Variants in VPS41 observed in about 807,000 individuals in gnomAD.
The protein encoded by VPS41 is vacuolar protein sorting-associated protein 41 homolog.
Under a neutral mutation model 130.9 loss-of-function variants are expected in VPS41, and 85 were observed. That is an observed-to-expected ratio of 0.65 (90% CI 0.55 to 0.78). VPS41 has a LOEUF of 0.78. VPS41 is among the 30% of genes least tolerant of loss of function. The pLI is 0.00. For missense variants in VPS41, 874 were observed against 1,018.7 expected (o/e 0.86, Z 1.93); for synonymous variants, 335 against 332.9 (o/e 1.01, Z -0.07).
Position 38,817,993 on chromosome 7 carries a change from G to C in VPS41, c.385-111C>G. ...GATCTAAAAATTATCCTGAAACCTT[G>C]GTAGGAAGTAATATATTCAAATCAT... is the stretch of plus-strand genomic sequence containing the variant. On this transcript the variant is annotated intron_variant, in intron 6 of 28. Transcript: ENST00000310301. The C allele has an allele frequency of 5.0e-6, 4 of 795,622 alleles. 2 individuals carry two copies. The South Asian group carries it at 5.8e-5, about 12-fold the overall frequency. 49.3% of individuals were successfully genotyped at this position (795,622 alleles called of 1,614,324 possible).
chr7:38,801,027 C>T (rs1054700627), intron 7 of VPS41, among the ~76,000 whole-genome samples: 7 of 152,204 alleles, frequency 4.6e-5, no homozygotes, highest in African/African-American at 1.7e-4. Context: ...CTCCAATGGA[C>T]CCTTTCTGTT....
At chr7:38,881,363 A>G (rs1219756625) in intron 2 of VPS41, among the ~76,000 whole-genome samples, 1 of 151,934 alleles carries the variant, frequency 6.6e-6, no homozygotes, top group Non-Finnish European at 1.5e-5. Context: ...ATTTACAAAG[A>G]CCCTTAGGAT....
chr7:38,795,583 T>A lies in VPS41; in HGVS notation c.599A>T (p.Lys200Met). 6.2e-7 allele frequency: 1 copy of A among 1,612,278 alleles called. No homozygotes were observed. Among genetic ancestry groups the A allele is most frequent in the Non-Finnish European group, 8.5e-7 (1 of 1,178,986 alleles). Reference sequence around the variant, plus strand: ...CCGGGGCACATTGGTGATTCTTTGCTTTGAGATGATGTCAAAAATCTTCAC... The same window carrying A: ...CCGGGGCACATTGGTGATTCTTTGCATTGAGATGATGTCAAAAATCTTCAC... Reference protein sequence around the residue: ...MGVKIFDIISKQRITNVPRDD... With the variant: ...MGVKIFDIISMQRITNVPRDD... Residue 200 changes from lysine to methionine, a missense_variant, in exon 9 of 29, where the codon AAG becomes ATG. Coordinates refer to ENST00000310301, the MANE Select transcript of VPS41 (RefSeq NM_014396.4).
chr7:38,888,599 T>C lies in VPS41; in HGVS notation c.60+9492A>G, dbSNP rs1786786298. Among the ~76,000 whole-genome samples, 4 of 152,222 alleles carry C rather than the reference T, an allele frequency of 2.6e-5. No individual in the cohort carries two copies. In the South Asian group the frequency reaches 8.3e-4, roughly 32 times the overall value. On this transcript the variant is annotated intron_variant, in intron 2 of 28. Transcript: ENST00000310301. The stretch of plus-strand genomic sequence containing the variant: ...ATGGGAGACTTTAACACCCCACTGT[T>C]AATATCAGACACATCAACGAGACAG...
chr7:38,783,697 A>G (rs1784392169), intron 10 of VPS41, among the ~76,000 whole-genome samples: 1 of 152,332 alleles, frequency 6.6e-6, no homozygotes, highest in Non-Finnish European at 1.5e-5. Context: ...TAAGCCAGAA[A>G]TGGTGTGGAT....
intron 10 of VPS41, among the ~76,000 whole-genome samples, chr7:38,782,837 C>T (rs890199915): frequency 6.6e-6 from 1 of 152,236 alleles, no homozygotes; most frequent in South Asian, 2.1e-4. Flanking sequence ...GTGACTGAGG[C>T]TGGGTGCGGT....
chr7:38,831,458 A>T (rs1028635093), intron 4 of VPS41: 1 of 276,690 alleles, frequency 3.6e-6, no homozygotes, highest in African/African-American at 2.3e-5. Flanking sequence ...CACTGCAGTA[A>T]GTTCTACTGG....
At chr7:38,861,998 T>A (rs1478981236) in intron 4 of VPS41, among the ~76,000 whole-genome samples, 2 of 152,216 alleles carry the variant, frequency 1.3e-5, no homozygotes, top group Non-Finnish European at 2.9e-5. Flanking sequence ...GATCAATCAA[T>A]TTTCAATTAC....
rs73113696 is a variant in VPS41, at chr7:38,802,037, G to C, written c.451-5173C>G. Among the ~76,000 whole-genome samples, 1,107 of 152,286 alleles carry C rather than the reference G, an allele frequency of 7.3e-3. 8 individuals are homozygous for C. The highest frequency in any genetic ancestry group is 0.011 in the Non-Finnish European group (724 of 68,028). ...CTTTTAGAAAGGGCTCACTTCTATGGATCCCATATCCAGGCATGTAATGTC... is the reference window on the plus strand; with the variant it reads ...CTTTTAGAAAGGGCTCACTTCTATGCATCCCATATCCAGGCATGTAATGTC... On this transcript the variant is annotated intron_variant, in intron 7 of 28. Coordinates refer to ENST00000310301, the MANE Select transcript of VPS41 (RefSeq NM_014396.4).
At chr7:38,837,863 CA>C (rs534550154) in intron 4 of VPS41, among the ~76,000 whole-genome samples, 5 of 151,710 alleles carry the variant, frequency 3.3e-5, no homozygotes, top group African/African-American at 7.2e-5. Flanking sequence ...TAGATTTCTA[CA>C]AAAAAAATAT....
intron 10 of VPS41, among the ~76,000 whole-genome samples, chr7:38,788,628 A>G (rs1259540372): frequency 6.6e-6 from 1 of 152,184 alleles, no homozygotes; most frequent in African/African-American, 2.4e-5. Context: ...GTAGGCAAGG[A>G]AAGAAGAAAA....
intron 1 of VPS41, among the ~76,000 whole-genome samples, chr7:38,901,788 T>C (rs138206148): frequency 3.3e-5 from 5 of 152,216 alleles, no homozygotes; most frequent in Middle Eastern, 3.4e-3. Context: ...TCCCAGCACT[T>C]TGGGAGGCTA....
chr7:38,831,249 A>T (rs1176859795), intron 4 of VPS41: 1 of 471,114 alleles, frequency 2.1e-6, no homozygotes, highest in East Asian at 6.9e-5. Flanking sequence ...TCTGGTTGTA[A>T]GCTGCCTCAA....
chr7:38,891,378 G>T (rs1308933432), intron 2 of VPS41, among the ~76,000 whole-genome samples: 1 of 152,178 alleles, frequency 6.6e-6, no homozygotes, highest in Non-Finnish European at 1.5e-5. Flanking sequence ...ATATGGCCTT[G>T]TATGCTTTTC....
intron 4 of VPS41, among the ~76,000 whole-genome samples, chr7:38,856,277 G>GCCT (rs1314891878): frequency 6.6e-6 from 1 of 152,082 alleles, no homozygotes; most frequent in Non-Finnish European, 1.5e-5. Context: ...TCCTGTCGTA[G>GCCT]CCTCCTGAGT....
At chr7:38,796,962 A>T (rs1784633169) in intron 7 of VPS41, 98 bp from the exon 8 acceptor site, 1 of 1,421,404 alleles carries the variant, frequency 7.0e-7, no homozygotes, top group Admixed American at 1.8e-5. Context: ...ACCAAATAAC[A>T]AACAAGTCAC....
chr7:38,894,704 C>CCAT (rs1383064745), intron 2 of VPS41, among the ~76,000 whole-genome samples: 1 of 152,112 alleles, frequency 6.6e-6, no homozygotes, highest in Non-Finnish European at 1.5e-5. Context: ...GAGGTAAGTG[C>CCAT]TATGCCCAGG....
At chr7:38,741,905 C>G in intron 25 of VPS41, 80 bp downstream of exon 25, 1 of 1,523,724 alleles carries the variant, frequency 6.6e-7, no homozygotes, top group African/African-American at 1.4e-5. Flanking sequence ...TAACTGATAC[C>G]TAACATAAAC....
intron 25 of VPS41, among the ~76,000 whole-genome samples, chr7:38,739,588 A>G (rs1795843137): frequency 6.6e-6 from 1 of 152,192 alleles, no homozygotes; most frequent in Non-Finnish European, 1.5e-5. Flanking sequence ...AGGGAAAAAT[A>G]ATGCCTGGAA....
Sources: allele counts gnomAD v4.1 joint callset (sites outside exome capture counted in the v4.1 genomes callset), GRCh38; gene constraint gnomAD v4.1.1; transcripts MANE v1.5; gene names NCBI Gene and HGNC (gene_info 2026-07-23, HGNC 2026-07-21).